Variants in GALK2 observed in about 807,000 individuals in gnomAD.
GALK2 encodes the protein galactokinase 2.
In GALK2, 36 loss-of-function variants were observed where a neutral mutation model predicts 52.4. The ratio of observed to expected loss-of-function variants is 0.69; its 90% CI spans 0.53 to 0.91. The LOEUF is 0.91. GALK2 is among the 40% of genes least tolerant of loss of function. The pLI, the probability that GALK2 is intolerant of heterozygous loss-of-function variation, is 0.00. For synonymous variants in GALK2, 176 were observed against 199.1 expected (o/e 0.88, Z 0.98); for missense variants, 579 against 559.1 (o/e 1.04, Z -0.36).
At chr15:49,159,655 T>G (rs2084583194) in intron 1 of GALK2, among the ~76,000 whole-genome samples, 1 of 152,278 alleles carries the variant, frequency 6.6e-6, no homozygotes, top group East Asian at 1.9e-4. Context: ...TAGTAATTAC[T>G]TGAATTGACA....
chr15:49,349,258 T>C (rs1287779961), intron 3 of GALK2, among the ~76,000 whole-genome samples: 1 of 152,198 alleles, frequency 6.6e-6, no homozygotes, highest in Non-Finnish European at 1.5e-5. Context: ...TACTCATTCA[T>C]GTGAAACAAA....
intron 1 of GALK2, among the ~76,000 whole-genome samples, chr15:49,191,435 A>G (rs1332552629): frequency 6.6e-6 from 1 of 152,146 alleles, no homozygotes; most frequent in African/African-American, 2.4e-5. Flanking sequence ...TGTTGGGTCT[A>G]GTGCAACAGC....
chr15:49,351,697 C>T (rs761362771), intron 3 of GALK2, among the ~76,000 whole-genome samples: 1 of 152,144 alleles, frequency 6.6e-6, no homozygotes, highest in Non-Finnish European at 1.5e-5. Context: ...AATAAAGTAA[C>T]ATTGGACAGA....
At chr15:49,226,930 G>A (rs552978401) in intron 3 of GALK2, among the ~76,000 whole-genome samples, 1 of 152,004 alleles carries the variant, frequency 6.6e-6, no homozygotes, top group Non-Finnish European at 1.5e-5. Context: ...TTAATCCATT[G>A]TATCTAAGAA....
intron 8 of GALK2, among the ~76,000 whole-genome samples, chr15:49,309,627 TG>T (rs2035825687): frequency 6.6e-6 from 1 of 151,058 alleles, no homozygotes; most frequent in Non-Finnish European, 1.5e-5. Flanking sequence ...GTTTTTTTTT[TG>T]TTTTTTTTTG....
In GALK2 at chr15:49,299,735, T is replaced by TTTTCTTTC. The variant is rs869275324; in HGVS notation, c.967+7251_967+7258dup. Among the ~76,000 whole-genome samples the TTTTCTTTC allele has an allele frequency of 2.3e-3, 180 of 77,478 alleles. 2 individuals carry two copies. The highest frequency in any genetic ancestry group is 8.1e-3 in the East Asian group (27 of 3,340). The allele number at this position is 77,478 out of a possible 152,430, so 50.8% of individuals were successfully genotyped here. On this transcript the variant is annotated intron_variant, in intron 8 of 9. Transcript: ENST00000560031. ...CTTTCTTTCTTTCTTTCTTTCTTTC[T>TTTTCTTTC]TTTCTTTCTTTCTTTCTTTCTTTCT...
At chr15:49,309,866 A>G (rs940388446) in intron 8 of GALK2, among the ~76,000 whole-genome samples, 2 of 152,070 alleles carry the variant, frequency 1.3e-5, no homozygotes, top group African/African-American at 4.8e-5. Flanking sequence ...TGATCCACCC[A>G]AAGTGCTGGG....
At chr15:49,319,108 C>A (rs2036673456) in intron 8 of GALK2, 4 of 369,602 alleles carry the variant, frequency 1.1e-5, no homozygotes, top group Non-Finnish European at 2.1e-5. Context: ...CCACCATCAT[C>A]ATGCCCAGGT....
intron 1 of GALK2, among the ~76,000 whole-genome samples, chr15:49,163,584 C>T (rs770721512): frequency 1.4e-4 from 22 of 152,162 alleles, no homozygotes; most frequent in African/African-American, 4.8e-4. Flanking sequence ...TGAAAAGATA[C>T]GCTTTTTCAA....
intron 1 of GALK2, among the ~76,000 whole-genome samples, chr15:49,191,600 T>C (rs758896574): frequency 4.6e-5 from 7 of 152,178 alleles, no homozygotes; most frequent in Non-Finnish European, 8.8e-5. Context: ...CTTTAGTACA[T>C]CATATCAAAA....
chr15:49,264,301 T>C (rs1382872120), intron 5 of GALK2, among the ~76,000 whole-genome samples: 1 of 152,192 alleles, frequency 6.6e-6, no homozygotes, highest in Non-Finnish European at 1.5e-5. Context: ...ACCTCCCTTC[T>C]CGCTTCATTT....
chr15:49,193,120 C>A (rs2086903643), intron 1 of GALK2, among the ~76,000 whole-genome samples: 1 of 151,884 alleles, frequency 6.6e-6, no homozygotes, highest in African/African-American at 2.4e-5. Flanking sequence ...GCTTCAGCCT[C>A]CCAAGTAGCT....
chr15:49,251,472 T>C (rs1417868833), intron 5 of GALK2, among the ~76,000 whole-genome samples: 1 of 152,208 alleles, frequency 6.6e-6, no homozygotes, highest in South Asian at 2.1e-4. Context: ...CCTTCTAGAG[T>C]GCTGGCAGAG....
intron 2 of GALK2, among the ~76,000 whole-genome samples, chr15:49,202,984 C>T (rs938739712): frequency 1.3e-5 from 2 of 152,038 alleles, no homozygotes; most frequent in African/African-American, 4.8e-5. Flanking sequence ...GATTGTAAGT[C>T]ATTTGTATGT....
At chr15:49,345,290 C>T (rs1484166876) in intron 3 of GALK2, among the ~76,000 whole-genome samples, 2 of 152,066 alleles carry the variant, frequency 1.3e-5, no homozygotes, top group Non-Finnish European at 1.5e-5. Context: ...GGTAGACATA[C>T]GTTCCTCATA....
At chr15:49,226,530 A>G (rs2090144847) in intron 3 of GALK2, 1 of 151,790 alleles carries the variant, frequency 6.6e-6, no homozygotes, top group Non-Finnish European at 1.5e-5. Context: ...CTTATCTGCT[A>G]TCCCTCCAAA....
At chr15:49,175,847 C>T (rs1278572771) in intron 1 of GALK2, among the ~76,000 whole-genome samples, 5 of 152,186 alleles carry the variant, frequency 3.3e-5, no homozygotes, top group Non-Finnish European at 2.9e-5. Context: ...CTGTCCTGTT[C>T]TGTTCCCTTC....
intron 1 of GALK2, chr15:49,199,339 G>A (rs2087528610): frequency 6.6e-6 from 1 of 152,022 alleles, no homozygotes; most frequent in Non-Finnish European, 1.5e-5. Context: ...TTATACTGAA[G>A]ACAAAGTTTT....
At chr15:49,205,228 C>T (rs780626703) in intron 2 of GALK2, among the ~76,000 whole-genome samples, 5 of 152,258 alleles carry the variant, frequency 3.3e-5, no homozygotes, top group South Asian at 2.1e-4. Flanking sequence ...GACTTCTTTT[C>T]CTCTGAGTAG....
Sources: gnomAD v4.1 joint callset for allele counts (sites outside exome capture counted in the v4.1 genomes callset) on GRCh38, gnomAD v4.1.1 for gene constraint, MANE v1.5 for transcripts, NCBI Gene and HGNC (gene_info 2026-07-23, HGNC 2026-07-21) for gene names.